The following EIF4E variants were observed in gnomAD, a reference collection of about 807,000 sequenced individuals.
The protein encoded by EIF4E is eukaryotic translation initiation factor 4E, also known as eIF-4F 25 kDa subunit.
For synonymous variants in EIF4E, 71 were observed against 88.5 expected (o/e 0.80, Z 1.11); for missense variants, 113 against 265.6 (o/e 0.43, Z 3.99).
chr4:98,927,836 C>A lies in EIF4E; in HGVS notation c.18+1259G>T, dbSNP rs117388706. Among the ~76,000 whole-genome samples the A allele has an allele frequency of 2.6e-3, 388 of 152,150 alleles. 3 individuals are homozygous for A. In the East Asian group the frequency reaches 0.038, roughly 15 times the overall value. ...TTGCTAATAAACCCCATTATGCACA[C>A]AAGATATCTTCACTTAGCTGTGTCG... On this transcript the variant is annotated intron_variant, in intron 1 of 6. Transcript: ENST00000450253.
chr4:98,923,196 T>G (rs527698166), intron 1 of EIF4E, among the ~76,000 whole-genome samples: 1 of 145,794 alleles, frequency 6.9e-6, no homozygotes, highest in Non-Finnish European at 1.5e-5. Flanking sequence ...AAGTTCCAAC[T>G]GGGGAAACAA....
intron 2 of EIF4E, among the ~76,000 whole-genome samples, chr4:98,898,949 A>T (rs986020931): frequency 3.4e-5 from 5 of 148,612 alleles, no homozygotes; most frequent in South Asian, 2.1e-4. Context: ...TAAAAAGTTT[A>T]AAAAAAAAAG....
At chr4:98,923,806 A>G (rs577048525) in intron 1 of EIF4E, among the ~76,000 whole-genome samples, 1 of 152,392 alleles carries the variant, frequency 6.6e-6, no homozygotes, top group East Asian at 1.9e-4. Flanking sequence ...ATGTAAATGC[A>G]TGGATATACA....
intron 5 of EIF4E, chr4:98,886,410 C>T: frequency 2.4e-6 from 1 of 422,264 alleles, no homozygotes; most frequent in Non-Finnish European, 4.7e-6. Flanking sequence ...TTATTTGCTT[C>T]ACTAATCTAA....
chr4:98,910,428 A>T (rs1191811562), intron 1 of EIF4E, among the ~76,000 whole-genome samples: 1 of 152,226 alleles, frequency 6.6e-6, no homozygotes, highest in Non-Finnish European at 1.5e-5. Flanking sequence ...CAATAACAAA[A>T]AATCACTAGT....
intron 1 of EIF4E, among the ~76,000 whole-genome samples, chr4:98,920,286 A>G (rs1725586844): frequency 6.6e-6 from 1 of 151,588 alleles, no homozygotes; most frequent in Non-Finnish European, 1.5e-5. Context: ...TATGTAATAC[A>G]TGTTAAAACA....
At chr4:98,928,887 GC>G in intron 1 of EIF4E, 3 of 1,551,102 alleles carry the variant, frequency 1.9e-6, no homozygotes, top group Non-Finnish European at 2.6e-6. Context: ...CAGTTCTCGG[GC>G]CCCCACCAGA....
chr4:98,929,092 C>T lies in EIF4E; in HGVS notation c.18+3G>A, dbSNP rs765471646. Reference sequence around the variant, plus strand: ...GGGGGTGGGGGCCAAAGGCAATACTCACCGGTTCGACAGTCGCCATCTTAG... The same window carrying T: ...GGGGGTGGGGGCCAAAGGCAATACTTACCGGTTCGACAGTCGCCATCTTAG... On this transcript the variant is annotated splice_donor_region_variant and intron_variant, in intron 1 of 6. Coordinates refer to ENST00000450253, the MANE Select transcript of EIF4E (RefSeq NM_001968.5). 3.8e-6 allele frequency: 6 copies of T among 1,582,592 alleles called. No homozygotes were observed. The highest frequency in any genetic ancestry group is 2.7e-5 in the African/African-American group (2 of 74,168).
chr4:98,919,219 C>A (rs1725537823), intron 1 of EIF4E, among the ~76,000 whole-genome samples: 1 of 151,650 alleles, frequency 6.6e-6, no homozygotes, highest in Non-Finnish European at 1.5e-5. Context: ...AGGCAGGAGT[C>A]ACCTGAACCC....
chr4:98,882,431 G>A (rs1337475397), intron 6 of EIF4E, among the ~76,000 whole-genome samples: 7 of 148,746 alleles, frequency 4.7e-5, no homozygotes, highest in African/African-American at 9.9e-5. Flanking sequence ...AGAATCTTTA[G>A]GAAAAAAATA....
At chr4:98,920,942 T>G (rs915751567) in intron 1 of EIF4E, among the ~76,000 whole-genome samples, 1 of 152,206 alleles carries the variant, frequency 6.6e-6, no homozygotes, top group African/African-American at 2.4e-5. Flanking sequence ...AATTTGTTCC[T>G]CTTTTTACAC....
At chr4:98,917,259 C>T (rs1003636072) in intron 1 of EIF4E, among the ~76,000 whole-genome samples, 2 of 151,896 alleles carry the variant, frequency 1.3e-5, no homozygotes, top group African/African-American at 2.4e-5. Context: ...GGTAACTTTA[C>T]ACCAGAAGAG....
intron 6 of EIF4E, among the ~76,000 whole-genome samples, chr4:98,883,732 A>T (rs1421539252): frequency 2.0e-5 from 3 of 149,374 alleles, no homozygotes; most frequent in Middle Eastern, 3.4e-3. Flanking sequence ...TTGAGGTAAA[A>T]AGAAATCTTA....
At chr4:98,911,661 C>CAA (rs767631331) in intron 1 of EIF4E, among the ~76,000 whole-genome samples, 4,389 of 59,850 alleles carry the variant, frequency 0.073, 268 homozygotes, top group East Asian at 0.15. Context: ...AACTCTGTCT[C>CAA]AAAAAAAAAA....
At chr4:98,914,763 G>T (rs999651563) in intron 1 of EIF4E, among the ~76,000 whole-genome samples, 1 of 152,268 alleles carries the variant, frequency 6.6e-6, no homozygotes, top group East Asian at 1.9e-4. Flanking sequence ...GAACCCTAAT[G>T]TAAAGTATGA....
chr4:98,881,306 T>C (rs1207569503), intron 6 of EIF4E, among the ~76,000 whole-genome samples, 164 bp from the exon 7 acceptor site: 3 of 152,180 alleles, frequency 2.0e-5, no homozygotes, highest in Non-Finnish European at 1.5e-5. Context: ...CACAATTTAC[T>C]CTTCATTTTT....
chr4:98,895,794 T>C (rs995037978), intron 2 of EIF4E, among the ~76,000 whole-genome samples: 3 of 152,174 alleles, frequency 2.0e-5, no homozygotes, highest in African/African-American at 7.2e-5. Flanking sequence ...ATCATACCAG[T>C]AATAACAGCA....
intron 3 of EIF4E, among the ~76,000 whole-genome samples, chr4:98,888,622 A>C (rs1226986949): frequency 6.6e-6 from 1 of 152,234 alleles, no homozygotes; most frequent in African/African-American, 2.4e-5. Context: ...TCAAAATAAC[A>C]GAATAACATT....
At chr4:98,900,834 C>T (rs1724612955) in intron 2 of EIF4E, among the ~76,000 whole-genome samples, 1 of 152,166 alleles carries the variant, frequency 6.6e-6, no homozygotes, top group Non-Finnish European at 1.5e-5. Context: ...GAAAACTTAA[C>T]TAATTTTAAT....
Sources: allele counts gnomAD v4.1 joint callset (sites outside exome capture counted in the v4.1 genomes callset), GRCh38; gene constraint gnomAD v4.1.1; transcripts MANE v1.5; gene names NCBI Gene and HGNC (gene_info 2026-07-23, HGNC 2026-07-21).